Variants in BRSK2 observed in about 807,000 individuals in gnomAD.
BRSK2 encodes the protein BR serine/threonine kinase 2.
Under a neutral mutation model 83.3 loss-of-function variants are expected in BRSK2, and 19 were observed. The ratio of observed to expected loss-of-function variants is 0.23; its 90% CI spans 0.16 to 0.33. The LOEUF is 0.33. BRSK2 is among the 10% of genes least tolerant of loss of function. The probability of loss-of-function intolerance (pLI) is 1.00; values close to 1 mark genes in which losing one functional copy is unlikely to be tolerated. For synonymous variants in BRSK2, 519 were observed against 435.4 expected, an observed-to-expected ratio of 1.19 and a Z score of -2.39; for missense variants, 798 against 1,042.3, an observed-to-expected ratio of 0.77 and a Z score of 3.23.
chr11:1,460,385 G>A (rs977876234), intron 19 of BRSK2, 115 bp from the exon 20 acceptor site: 16 of 944,890 alleles, frequency 1.7e-5, no homozygotes, highest in Admixed American at 7.6e-5. Context: ...AGGCCTCTTC[G>A]TTCATTTGTT....
At position 1,438,611 on chromosome 11, in the gene BRSK2, GGAGGC is replaced by G. The variant is rs1850669782; in HGVS notation, c.272+221_272+225del. On this transcript the variant is annotated intron_variant, in intron 3 of 19. Transcript: ENST00000528841. This position sits in a 1 kb window ranked among gnomAD's most constrained non-coding sequence, Gnocchi z 6.4. ...GGACCAAACCGGAGACCTGGTCTGT[GGAGGC>G]TCGCAGAGCCACCAGCCTGAGGCTG... Among the ~76,000 whole-genome samples the G allele has an allele frequency of 6.6e-6, 1 of 152,152 alleles. No individual in the cohort carries two copies. Among genetic ancestry groups the G allele is most frequent in the East Asian group, 1.9e-4 (1 of 5,168 alleles).
intron 1 of BRSK2, among the ~76,000 whole-genome samples, chr11:1,391,104 C>T (rs1845698541): frequency 6.6e-6 from 1 of 152,320 alleles, no homozygotes; most frequent in African/African-American, 2.4e-5. Flanking sequence ...CAGGCCGGGT[C>T]CCTGCGGGGC....
At position 1,453,141 on chromosome 11, in the gene BRSK2, C is replaced by T. The variant is rs75910271; in HGVS notation, c.1545-1344C>T. 0.013 allele frequency among the ~76,000 whole-genome samples: 2,012 copies of T among 152,328 alleles called. 126 individuals carry two copies. The East Asian group carries it at 0.2, about 15-fold the overall frequency. ...AGGGTCCCCCGCCAGACTCAACAGG[C>T]GACTGATTTAAGTTCGTCTCATCTA... On this transcript the variant is annotated intron_variant, in intron 15 of 19. Transcript: ENST00000528841.
chr11:1,413,636 T>A (rs943736163), intron 1 of BRSK2, among the ~76,000 whole-genome samples: 2 of 152,198 alleles, frequency 1.3e-5, no homozygotes, highest in African/African-American at 4.8e-5. Flanking sequence ...AGCTGGGCCA[T>A]GTGGCCTGGG....
chr11:1,456,333 GCTCT>G lies in BRSK2; in HGVS notation c.1669-9_1669-6del, dbSNP rs761463847. 3.9e-6 allele frequency: 6 copies of G among 1,544,914 alleles called. No individual in the cohort carries two copies. The South Asian group carries it at 6.0e-5, about 16-fold the overall frequency. ...CTGCCAGGCCAGCCACGCTCACGCT[GCTCT>G]CTCTCCACAGATTCCCAGTCTCAGC... On this transcript the variant is annotated splice_polypyrimidine_tract_variant and intron_variant, in intron 16 of 19. Coordinates refer to ENST00000528841, the MANE Select transcript of BRSK2 (RefSeq NM_001256627.2).
In BRSK2 at chr11:1,462,029, GGGCCCTCAGCT is replaced by G. The variant is rs1290364384; in HGVS notation, c.*1314_*1324del. 3.9e-5 allele frequency: 6 copies of G among 152,322 alleles called. No homozygotes were observed. Among genetic ancestry groups the G allele is most frequent in the Non-Finnish European group, 7.4e-5 (5 of 68,010 alleles). The allele number at this position is 152,322 out of a possible 1,614,324, so 9.4% of individuals were successfully genotyped here. A position where few individuals can be genotyped will look rare whatever the true frequency, so the allele number is the denominator to read the frequency against. On this transcript the variant is annotated 3_prime_UTR_variant, in exon 20 of 20. Coordinates refer to ENST00000528841, the MANE Select transcript of BRSK2 (RefSeq NM_001256627.2). ...GTCCAAAGGTGAAGGGGTAGGAGGA[GGGCCCTCAGCT>G]GGCCCTCCCCACACACAGGACGGCA...
At chr11:1,404,909 G>A (rs1223369964) in intron 1 of BRSK2, among the ~76,000 whole-genome samples, 2 of 151,932 alleles carry the variant, frequency 1.3e-5, no homozygotes, top group Admixed American at 1.3e-4. Flanking sequence ...CCTGCGTGGA[G>A]TCCCTCCCCA....
intron 1 of BRSK2, among the ~76,000 whole-genome samples, chr11:1,408,135 C>T (rs1248474284): frequency 6.6e-6 from 1 of 152,254 alleles, no homozygotes; most frequent in African/African-American, 2.4e-5. Flanking sequence ...AGGCTTATGG[C>T]GTGGGGAGCA....
At chr11:1,413,181 C>T (rs558162562) in intron 1 of BRSK2, among the ~76,000 whole-genome samples, 3 of 152,292 alleles carry the variant, frequency 2.0e-5, no homozygotes, top group African/African-American at 4.8e-5. Context: ...GTCCAGCTGC[C>T]ATGAGCTCCC....
At chr11:1,424,740 G>C (rs1359354476) in intron 1 of BRSK2, among the ~76,000 whole-genome samples, 3 of 152,002 alleles carry the variant, frequency 2.0e-5, no homozygotes, top group South Asian at 4.1e-4. Context: ...AGGGAGTCGG[G>C]GGGGCCAGGC....
In BRSK2 at chr11:1,423,557, C is replaced by G. The variant is rs149028926; in HGVS notation, c.92-12483C>G. The stretch of plus-strand genomic sequence containing the variant: ...CACTCGCGAGCTCCCTGGGGCTCCT[C>G]AGACCCGGTCACCGAACAGCAGAGA... On this transcript the variant is annotated intron_variant, in intron 1 of 19. Transcript: ENST00000528841. This position sits in a 1 kb window ranked among gnomAD's most constrained non-coding sequence, Gnocchi z 6.5. Among the ~76,000 whole-genome samples, 4 of 152,122 alleles carry G rather than the reference C, an allele frequency of 2.6e-5. No homozygotes were observed. Among genetic ancestry groups the G allele is most frequent in the African/African-American group, 9.7e-5 (4 of 41,414 alleles).
chr11:1,412,431 G>A lies in BRSK2; in HGVS notation c.91+22056G>A, dbSNP rs541600350. On this transcript the variant is annotated intron_variant, in intron 1 of 19. Transcript: ENST00000528841. ...TCTGAGCTGCGCTGCCCCGTCCTGC[G>A]GTGGGTGGAGTCTCAGCTGCGCCGC... Among the ~76,000 whole-genome samples, 199 of 83,958 alleles carry A rather than the reference G, an allele frequency of 2.4e-3. 8 individuals are homozygous for A. The highest frequency in any genetic ancestry group is 8.1e-3 in the African/African-American group (192 of 23,844). 55.1% of individuals were successfully genotyped at this position (83,958 alleles called of 152,430 possible).
chr11:1,435,196 G>A (rs1157507653), intron 1 of BRSK2, among the ~76,000 whole-genome samples: 2 of 149,314 alleles, frequency 1.3e-5, no homozygotes, highest in Non-Finnish European at 3.0e-5. Context: ...CAGGTGCAGA[G>A]CATCTCAGCA....
At chr11:1,429,096 ATGTGTGCACTCGGTGTGTGGG>A (rs1398425335) in intron 1 of BRSK2, among the ~76,000 whole-genome samples, 7 of 108,792 alleles carry the variant, frequency 6.4e-5, no homozygotes, top group South Asian at 3.1e-4. Flanking sequence ...GGGTGCGTGC[ATGTGTGCACTCGGTGTGTGGG>A]TGTGTGCACT....
At chr11:1,391,155 G>A (rs1428521742) in intron 1 of BRSK2, among the ~76,000 whole-genome samples, 1 of 152,238 alleles carries the variant, frequency 6.6e-6, no homozygotes, top group Non-Finnish European at 1.5e-5. Flanking sequence ...CTCGCATGTG[G>A]CCAACTCTCC....
chr11:1,448,464 TCCTGCC>T (rs984093430), intron 12 of BRSK2, among the ~76,000 whole-genome samples: 1 of 152,196 alleles, frequency 6.6e-6, no homozygotes, highest in Admixed American at 6.5e-5. Context: ...GCGCCGTCTC[TCCTGCC>T]CCTGCCCCAG....
intron 16 of BRSK2, among the ~76,000 whole-genome samples, chr11:1,456,082 TC>T (rs779363798): frequency 1.3e-5 from 2 of 152,262 alleles, no homozygotes; most frequent in Middle Eastern, 3.4e-3. Context: ...GTCCTGGTCA[TC>T]CTGTGCTGTG....
chr11:1,397,808 G>A (rs1287760802), intron 1 of BRSK2, among the ~76,000 whole-genome samples: 1 of 152,196 alleles, frequency 6.6e-6, no homozygotes, highest in Non-Finnish European at 1.5e-5. Flanking sequence ...ACTGGCTGAG[G>A]GGAATGGACA....
At chr11:1,429,416 G>A (rs866406109) in intron 1 of BRSK2, among the ~76,000 whole-genome samples, 12 of 94,536 alleles carry the variant, frequency 1.3e-4, no homozygotes, top group African/African-American at 4.3e-4. Flanking sequence ...GGGTGTGCAC[G>A]CATGGAGGTA....
Sources: gnomAD v4.1 joint callset for allele counts (sites outside exome capture counted in the v4.1 genomes callset) on GRCh38, gnomAD v4.1.1 for gene constraint, Gnocchi (gnomAD v3.1) non-coding constraint, MANE v1.5 for transcripts, NCBI Gene and HGNC (gene_info 2026-07-23, HGNC 2026-07-21) for gene names.